CATSPER4: variants seen among roughly 807,000 people sequenced by gnomAD.
CATSPER4 encodes the protein cation channel sperm-associated protein 4.
In CATSPER4, 46 loss-of-function variants were observed where a neutral mutation model predicts 54.4. The observed-to-expected ratio is 0.84, with a 90% confidence interval of 0.67 to 1.08. CATSPER4 has a LOEUF of 1.08. Ranked by LOEUF, CATSPER4 falls within the 50% of genes least tolerant of loss-of-function variation. The pLI is 0.00. For synonymous variants in CATSPER4, 230 were observed against 231.9 expected, an observed-to-expected ratio of 0.99 and a Z score of 0.08; for missense variants, 574 against 612.8, an observed-to-expected ratio of 0.94 and a Z score of 0.67.
chr1:26,195,841 TCATTCATTACCTTCAGGATGGCACCAA>T (rs2124525276), intron 3 of CATSPER4, among the ~76,000 whole-genome samples: 1 of 152,304 alleles, frequency 6.6e-6, no homozygotes, highest in South Asian at 2.1e-4. Context: ...TTGAGGGAAC[TCATTCATTACCTTCAGGATGGCACCAA>T]GCCATTCATG....
In CATSPER4 at chr1:26,190,700, C is replaced by T. The variant is rs2088850956; in HGVS notation, c.73C>T (p.Gln25Ter). 1.9e-6 allele frequency: 3 copies of T among 1,612,938 alleles called. No individual in the cohort carries two copies. In the African/African-American group the frequency reaches 4.0e-5, roughly 22 times the overall value. The change falls in exon 1 of 10, where the codon CAG becomes TAG. Residue 25 changes from glutamine (Q) to a stop codon, truncating the protein, a stop_gained. Transcript: ENST00000456354. LOFTEE classifies it high-confidence loss of function. ...AGGCCTCGAGGGGTGGGGCGGGACT[C>T]AGGAGGACCGTATGGGGTTTGGAGG... ...HTGLEGWGGT[Q>*]EDRMGFGGAV...
At chr1:26,201,642 AC>A in intron 9 of CATSPER4, 123 bp downstream of exon 9, 1 of 770,760 alleles carries the variant, frequency 1.3e-6, no homozygotes, top group Non-Finnish European at 2.2e-6. Flanking sequence ...CCCCCTCACC[AC>A]CACCACCCCT....
In CATSPER4 at chr1:26,190,658, C is replaced by T. The variant is rs887394540; in HGVS notation, c.31C>T (p.Gln11Ter). MRDNEKAWWQ[Q>*]WTSHTGLEGW... ...GGATAATGAAAAGGCCTGGTGGCAGCAATGGACCTCCCATACAGGCCTCGA... is the reference window on the plus strand; with the variant it reads ...GGATAATGAAAAGGCCTGGTGGCAGTAATGGACCTCCCATACAGGCCTCGA... The change falls in exon 1 of 10, where the codon CAA (glutamine) becomes TAA (stop). Residue 11 changes from glutamine to a stop codon, truncating the protein, a stop_gained. Coordinates refer to ENST00000456354, the MANE Select transcript of CATSPER4 (RefSeq NM_198137.2). LOFTEE classifies it high-confidence loss of function. The T allele has an allele frequency of 2.5e-6, 4 of 1,607,424 alleles. No homozygotes were observed. In the African/African-American group the frequency reaches 5.3e-5, roughly 21 times the overall value.
chr1:26,201,588 C>G (rs765145038), intron 9 of CATSPER4, 69 bp downstream of exon 9: 18 of 1,498,822 alleles, frequency 1.2e-5, no homozygotes, highest in Non-Finnish European at 1.6e-5. Context: ...CCAGCCGGGC[C>G]TCTGGACCAT....
chr1:26,198,315 T>C lies in CATSPER4; in HGVS notation c.708T>C (p.Phe236=), dbSNP rs1557631532. The C allele has an allele frequency of 6.2e-7, 1 of 1,614,236 alleles. No homozygotes were observed. The highest frequency in any genetic ancestry group is 8.5e-7 in the Non-Finnish European group (1 of 1,180,038). Residue 236 remains phenylalanine (F), a synonymous_variant, in exon 6 of 10, where the codon TTT becomes TTC. Transcript: ENST00000456354. ...LVFSVFGVTL[F]GAFVPKHFQN... ...TTTCCGTGTTTGGAGTAACACTCTTTGGTGCATTCGTGCCCAAGCATTTCC... is the reference window on the plus strand; with the variant it reads ...TTTCCGTGTTTGGAGTAACACTCTTCGGTGCATTCGTGCCCAAGCATTTCC...
chr1:26,193,469 G>A (rs1404333403), intron 2 of CATSPER4, among the ~76,000 whole-genome samples: 1 of 152,178 alleles, frequency 6.6e-6, no homozygotes, highest in Non-Finnish European at 1.5e-5. Flanking sequence ...AGGGACAAAA[G>A]TTCATAGTCA....
chr1:26,199,380 C>A (rs2088979797), intron 6 of CATSPER4, among the ~76,000 whole-genome samples: 1 of 151,066 alleles, frequency 6.6e-6, no homozygotes, highest in Non-Finnish European at 1.5e-5. Flanking sequence ...TGCGGTGAAC[C>A]CATATCACGC....
intron 3 of CATSPER4, among the ~76,000 whole-genome samples, chr1:26,196,821 T>C (rs1436103014): frequency 6.6e-6 from 1 of 152,120 alleles, no homozygotes; most frequent in East Asian, 1.9e-4. Context: ...TACCTGTGAG[T>C]TTCCTTCTCC....
At position 26,190,722 on chromosome 1, in the gene CATSPER4, G is replaced by A; in HGVS notation, c.95G>A (p.Gly32Glu). The change falls in exon 1 of 10, where the codon GGA (glycine) becomes GAA (glutamate). Residue 32 changes from glycine to glutamate, a missense_variant. By Grantham distance (98) the Gly-to-Glu change is moderately conservative. Transcript: ENST00000456354. ...GGTQEDRMGF[G>E]GAVAALRGRP... ...ACTCAGGAGGACCGTATGGGGTTTG[G>A]AGGGGCAGTAGCTGCACTGAGGGGC... 1 of 1,613,504 alleles carries A rather than the reference G, an allele frequency of 6.2e-7. No homozygotes were observed.
At chr1:26,202,347 C>CT (rs1213667795) in intron 9 of CATSPER4, 142 bp from the exon 10 acceptor site, 42 of 746,630 alleles carry the variant, frequency 5.6e-5, no homozygotes, top group Non-Finnish European at 9.1e-5. Context: ...AGAGGGGGTA[C>CT]TAGGTAGGCT....
At position 26,197,773 on chromosome 1, in the gene CATSPER4, T is replaced by C. The variant is rs1229459018; in HGVS notation, c.547T>C (p.Tyr183His). 2 of 1,612,688 alleles carry C rather than the reference T, an allele frequency of 1.2e-6. No homozygotes were observed. Among genetic ancestry groups the C allele is most frequent in the African/African-American group, 2.7e-5 (2 of 74,878 alleles). ...INEINIPSINYTLRALRLVHV... is the reference protein window; with the variant it reads ...INEINIPSINHTLRALRLVHV... ...TGAAATCAATATTCCCTCCATCAAC[T>C]ACACTCTCAGGTGAGCGGGGAGCTC... The change falls in exon 4 of 10, where the codon TAC becomes CAC. Residue 183 changes from tyrosine to histidine, a missense_variant. By Grantham distance (83) the Tyr-to-His change is moderately conservative. Coordinates refer to ENST00000456354, the MANE Select transcript of CATSPER4 (RefSeq NM_198137.2).
intron 6 of CATSPER4, among the ~76,000 whole-genome samples, chr1:26,199,027 C>T (rs529421176): frequency 6.6e-6 from 1 of 152,310 alleles, no homozygotes; most frequent in South Asian, 2.1e-4. Flanking sequence ...CTGGCCGGGG[C>T]CGGGCGCGGT....
intron 7 of CATSPER4, among the ~76,000 whole-genome samples, chr1:26,200,572 G>A (rs994152233): frequency 6.6e-6 from 1 of 150,880 alleles, no homozygotes. Flanking sequence ...TGCTGGGTAG[G>A]GTTTATCAGG....
At chr1:26,194,496 GTGTCTCCATGA>G (rs944229147) in intron 3 of CATSPER4, among the ~76,000 whole-genome samples, 12 of 152,204 alleles carry the variant, frequency 7.9e-5, no homozygotes, top group Admixed American at 2.6e-4. Context: ...GTGCTGCTTT[GTGTCTCCATGA>G]TGCTATGCAC....
At chr1:26,198,899 A>C (rs1430406938) in intron 6 of CATSPER4, among the ~76,000 whole-genome samples, 2 of 152,208 alleles carry the variant, frequency 1.3e-5, no homozygotes, top group Non-Finnish European at 2.9e-5. Context: ...TTATTCCAGA[A>C]AGTGGGACCC....
chr1:26,201,167 C>A, intron 8 of CATSPER4, 126 bp downstream of exon 8: 1 of 979,416 alleles, frequency 1.0e-6, no homozygotes, highest in Non-Finnish European at 1.6e-6. Context: ...AGGTCCCCCA[C>A]CCTATTGGTG....
intron 9 of CATSPER4, 187 bp downstream of exon 9, chr1:26,201,706 T>TTC: frequency 1.8e-6 from 1 of 560,112 alleles, no homozygotes; most frequent in South Asian, 2.0e-5. Context: ...TTTTTTTTTT[T>TTC]TGAGACGGAG....
rs745972864 is a variant in CATSPER4 at position 26,190,666 on chromosome 1, C to T, written c.39C>T (p.Thr13=). 49 of 1,608,944 alleles carry T rather than the reference C, an allele frequency of 3.0e-5. No individual in the cohort carries two copies. The highest frequency in any genetic ancestry group is 3.3e-5 in the Non-Finnish European group (39 of 1,179,894). The part of the protein sequence containing the change: ...DNEKAWWQQW[T]SHTGLEGWGG... The stretch of plus-strand genomic sequence containing the variant: ...AAAAGGCCTGGTGGCAGCAATGGAC[C>T]TCCCATACAGGCCTCGAGGGGTGGG... The change falls in exon 1 of 10, where the codon ACC becomes ACT. Residue 13 remains threonine (T), a synonymous_variant. Transcript: ENST00000456354.
Position 26,191,401 on chromosome 1 carries a change from G to A in CATSPER4, c.328G>A (p.Ala110Thr), listed in dbSNP as rs370751508. ...LLLVINAITIALRTNSYLDQK... is the reference protein window; with the variant it reads ...LLLVINAITITLRTNSYLDQK... ...GCTGGTGATCAATGCCATCACCATC[G>A]CTCTCCGTACCAACTCCTACCTGGA... Residue 110 changes from alanine (A) to threonine (T), a missense_variant, in exon 2 of 10, where the codon GCT becomes ACT. Physicochemically the swap from Ala to Thr is moderately conservative, Grantham distance 58. Transcript: ENST00000456354. 25 of 1,614,108 alleles carry A rather than the reference G, an allele frequency of 1.5e-5. No homozygotes were observed. The South Asian group carries it at 2.0e-4, about 13-fold the overall frequency.
Sources: gnomAD v4.1 joint callset for allele counts (sites outside exome capture counted in the v4.1 genomes callset) on GRCh38, gnomAD v4.1.1 for gene constraint, MANE v1.5 for transcripts, NCBI Gene and HGNC (gene_info 2026-07-23, HGNC 2026-07-21) for gene names.